DNAH9: variants seen among roughly 807,000 people sequenced by gnomAD.
The protein encoded by DNAH9 is dynein axonemal heavy chain 9.
Under a neutral mutation model 471.6 loss-of-function variants are expected in DNAH9, and 345 were observed. The ratio of observed to expected loss-of-function variants is 0.73; its 90% CI spans 0.67 to 0.80. The LOEUF is 0.80. Among genes scored for constraint, DNAH9 ranks in the 30% least tolerant of loss-of-function variants. DNAH9 has a pLI of 0.00. For synonymous variants in DNAH9, 2,093 were observed against 2,123.6 expected, an observed-to-expected ratio of 0.99 and a Z score of 0.40; for missense variants, 5,407 against 5,609.2, an observed-to-expected ratio of 0.96 and a Z score of 1.15.
rs189850998 is a variant in DNAH9, at chr17:11,647,468, G to A, written c.2097+270G>A. Reference sequence around the variant, plus strand: ...ATTTGTACCCTGGATTTCTTTTTTGGGATGAATTCTGGGGTGTAGTGTTTT... The same window carrying A: ...ATTTGTACCCTGGATTTCTTTTTTGAGATGAATTCTGGGGTGTAGTGTTTT... On this transcript the variant is annotated intron_variant, in intron 12 of 68. Transcript: ENST00000262442. Among the ~76,000 whole-genome samples the A allele has an allele frequency of 1.3e-3, 193 of 152,068 alleles. 2 individuals carry two copies. The Middle Eastern group carries it at 0.014, about 11-fold the overall frequency.
In DNAH9 at chr17:11,598,638, C is replaced by T; in HGVS notation, c.140C>T (p.Ala47Val). The change falls in exon 1 of 69, where the codon GCG becomes GTG. Residue 47 changes from alanine (A) to valine (V), a missense_variant. By Grantham distance (64) the Ala-to-Val change is moderately conservative. Transcript: ENST00000262442. ...RPAAGAWERC[A>V]GSAEAEQLLQ... ...GCTGCGGGCGCCTGGGAGCGTTGCG[C>T]GGGGAGTGCTGAGGCGGAGCAGCTG... 1 of 1,344,022 alleles carries T rather than the reference C, an allele frequency of 7.4e-7. No homozygotes were observed. The highest frequency in any genetic ancestry group is 1.8e-5 in the South Asian group (1 of 54,972). 83.3% of individuals were successfully genotyped at this position (1,344,022 alleles called of 1,614,324 possible). A position where few individuals can be genotyped will look rare whatever the true frequency, so the allele number is the denominator to read the frequency against.
intron 42 of DNAH9, among the ~76,000 whole-genome samples, chr17:11,795,638 A>G (rs906666807): frequency 1.4e-4 from 22 of 152,182 alleles, no homozygotes; most frequent in Non-Finnish European, 4.4e-5. Context: ...TGAGACCCTC[A>G]TGTTAGATGC....
intron 19 of DNAH9, among the ~76,000 whole-genome samples, chr17:11,687,974 A>T (rs1000918435): frequency 6.6e-6 from 1 of 151,428 alleles, no homozygotes; most frequent in African/African-American, 2.4e-5. Context: ...TATCTACTAA[A>T]ATACAAAAAA....
At chr17:11,940,924 C>A (rs894581124) in intron 66 of DNAH9, among the ~76,000 whole-genome samples, 1 of 152,168 alleles carries the variant, frequency 6.6e-6, no homozygotes, top group South Asian at 2.1e-4. Flanking sequence ...TAGACACCAA[C>A]AGAGCTTAAC....
chr17:11,662,856 C>T (rs576089447), intron 14 of DNAH9, among the ~76,000 whole-genome samples: 9 of 142,752 alleles, frequency 6.3e-5, no homozygotes, highest in Non-Finnish European at 1.2e-4. Flanking sequence ...CCCGGGTTCA[C>T]GCCATTCTCC....
intron 67 of DNAH9, among the ~76,000 whole-genome samples, chr17:11,945,627 T>C (rs1006954495): frequency 6.6e-6 from 1 of 151,160 alleles, no homozygotes; most frequent in African/African-American, 2.4e-5. Context: ...ATAACCAATA[T>C]TGGAGGTGGC....
In DNAH9 at chr17:11,611,512, C is replaced by T. The variant is rs1432530892; in HGVS notation, c.774-138C>T. On this transcript the variant is annotated intron_variant, in intron 3 of 68. Transcript: ENST00000262442. ...ACTGGGCTGGGAACAGATGTCCAGG[C>T]TCTTTGGGCTGGAGCACAGCCTCTG... is the stretch of plus-strand genomic sequence containing the variant. 6 of 845,238 alleles carry T rather than the reference C, an allele frequency of 7.1e-6. No homozygotes were observed. In the East Asian group the frequency reaches 1.2e-4, roughly 17 times the overall value. The allele number at this position is 845,238 out of a possible 1,614,324, so 52.4% of individuals were successfully genotyped here.
In DNAH9 at chr17:11,690,441, C is replaced by T. The variant is rs754268808; in HGVS notation, c.4614+5C>T. On this transcript the variant is annotated splice_donor_5th_base_variant and intron_variant, in intron 20 of 68. Transcript: ENST00000262442. Reference sequence around the variant, plus strand: ...ATTCGGGCACAGCTACCCCAGGTACCTGCTAAGGAAATCTAGAATCTCTCT... The same window carrying T: ...ATTCGGGCACAGCTACCCCAGGTACTTGCTAAGGAAATCTAGAATCTCTCT... 1 of 1,610,120 alleles carries T rather than the reference C, an allele frequency of 6.2e-7. No individual in the cohort carries two copies. The highest frequency in any genetic ancestry group is 2.2e-5 in the East Asian group (1 of 44,830).
chr17:11,640,255 G>A lies in DNAH9; in HGVS notation c.1787-15G>A, dbSNP rs757285830. The A allele has an allele frequency of 1.3e-6, 2 of 1,571,384 alleles. No homozygotes were observed. Among genetic ancestry groups the A allele is most frequent in the South Asian group, 1.1e-5 (1 of 89,892 alleles). Reference sequence around the variant, plus strand: ...GCTCTAGACTCATTTCGGTCTGTCTGTGCCATGTCTCCAGGGTTCTCCCCG... The same window carrying A: ...GCTCTAGACTCATTTCGGTCTGTCTATGCCATGTCTCCAGGGTTCTCCCCG... On this transcript the variant is annotated splice_polypyrimidine_tract_variant and intron_variant, in intron 9 of 68. Transcript: ENST00000262442.
At chr17:11,733,749 T>G (rs186311441) in intron 28 of DNAH9, among the ~76,000 whole-genome samples, 1 of 150,374 alleles carries the variant, frequency 6.7e-6, no homozygotes, top group South Asian at 2.1e-4. Context: ...TCCCAGCTAC[T>G]TGGGAGGCTG....
At chr17:11,964,824 G>A (rs12325717) in intron 68 of DNAH9, among the ~76,000 whole-genome samples, 27,482 of 151,884 alleles carry the variant, frequency 0.18, 2,583 homozygotes, top group East Asian at 0.23. Flanking sequence ...GGCAAAATGG[G>A]GTTGGAGCAC....
At chr17:11,762,772 T>TGTTG (rs1324257423) in intron 35 of DNAH9, among the ~76,000 whole-genome samples, 2 of 107,514 alleles carry the variant, frequency 1.9e-5, no homozygotes, top group Non-Finnish European at 1.8e-5. Context: ...TTTTTTTTGT[T>TGTTG]TTTTTTTTTT....
intron 11 of DNAH9, among the ~76,000 whole-genome samples, chr17:11,646,289 G>A (rs112749954): frequency 6.5e-4 from 99 of 152,164 alleles, no homozygotes; most frequent in Non-Finnish European, 1.2e-3. Context: ...GAAGTGCTGG[G>A]ATTACAGCTG....
chr17:11,843,863 G>GTGTGTGTGTATATATATATATATATATA (rs1253794533), intron 49 of DNAH9, among the ~76,000 whole-genome samples: 15 of 46,454 alleles, frequency 3.2e-4, no homozygotes, highest in African/African-American at 6.5e-4. Flanking sequence ...GTGTGTGTGT[G>GTGTGTGTGTATATATATATATATATATA]TATATATATA....
chr17:11,611,558 G>A (rs1250796372), intron 3 of DNAH9, 92 bp from the exon 4 acceptor site: 1 of 1,328,924 alleles, frequency 7.5e-7, no homozygotes, highest in Non-Finnish European at 1.1e-6. Context: ...CCGAGGCAGG[G>A]CTCCTCTCTT....
intron 27 of DNAH9, among the ~76,000 whole-genome samples, chr17:11,724,389 C>T (rs2075116685): frequency 6.6e-6 from 1 of 152,172 alleles, no homozygotes; most frequent in Non-Finnish European, 1.5e-5. Context: ...TCCATGAGAT[C>T]AACTTTTTTA....
chr17:11,674,286 TG>T (rs1005048816), intron 17 of DNAH9, among the ~76,000 whole-genome samples: 1 of 152,188 alleles, frequency 6.6e-6, no homozygotes, highest in African/African-American at 2.4e-5. Context: ...ATGCATATAA[TG>T]CCAAGCTCCT....
intron 12 of DNAH9, among the ~76,000 whole-genome samples, chr17:11,650,335 CAATA>C (rs1203854286): frequency 6.6e-6 from 1 of 152,120 alleles, no homozygotes; most frequent in East Asian, 1.9e-4. Context: ...ACAGAAACAT[CAATA>C]AATAAGGAAG....
chr17:11,757,479 C>T (rs1967447127), intron 34 of DNAH9, 66 bp from the exon 35 acceptor site: 1 of 1,403,462 alleles, frequency 7.1e-7, no homozygotes, highest in South Asian at 1.3e-5. Flanking sequence ...GAAAATAACT[C>T]CCTGGGGTGA....
Sources: gnomAD v4.1 joint callset for allele counts (sites outside exome capture counted in the v4.1 genomes callset) on GRCh38, gnomAD v4.1.1 for gene constraint, MANE v1.5 for transcripts, NCBI Gene and HGNC (gene_info 2026-07-23, HGNC 2026-07-21) for gene names.